The following PLN variants were observed in gnomAD, a reference collection of about 807,000 sequenced individuals.
PLN encodes phospholamban, also known as cardiac phospholamban.
PLN carries 1 observed loss-of-function variant against 3.9 expected under a neutral mutation model. The observed-to-expected ratio is 0.26, with a 90% confidence interval of 0.09 to 1.23. The LOEUF is 1.23. Among genes scored for constraint, PLN ranks in the 50% most tolerant of loss-of-function variants. The pLI, the probability that PLN is intolerant of heterozygous loss-of-function variation, is 0.48. For missense variants in PLN, 59 were observed against 62.7 expected, an observed-to-expected ratio of 0.94 and a Z score of 0.20; for synonymous variants, 21 against 20.5, an observed-to-expected ratio of 1.02 and a Z score of -0.07.
intron 1 of PLN, among the ~76,000 whole-genome samples, chr6:118,558,352 A>G (rs1778999192): frequency 6.6e-6 from 1 of 152,132 alleles, no homozygotes; most frequent in South Asian, 2.1e-4. Flanking sequence ...AAGTTTGGTG[A>G]TGTTTTTGTG....
At chr6:118,549,399 C>T (rs886412831) in intron 1 of PLN, among the ~76,000 whole-genome samples, 4 of 151,732 alleles carry the variant, frequency 2.6e-5, no homozygotes, top group African/African-American at 7.3e-5. Context: ...GTAAATGAAA[C>T]GTTTCCTCAT....
intron 1 of PLN, among the ~76,000 whole-genome samples, chr6:118,549,951 A>G (rs889876719): frequency 6.6e-6 from 1 of 151,916 alleles, no homozygotes; most frequent in East Asian, 1.9e-4. Context: ...TGGTAGTACC[A>G]TACATTGTGT....
In PLN at chr6:118,559,771, T is replaced by C. The variant is rs1191033316; in HGVS notation, c.*691T>C. Reference sequence around the variant, plus strand: ...ATTTTTTCAAAGAATCACAGAATTCTAGTACATGTAGGTAAATCATAAATC... The same window carrying C: ...ATTTTTTCAAAGAATCACAGAATTCCAGTACATGTAGGTAAATCATAAATC... On this transcript the variant is annotated 3_prime_UTR_variant, in exon 2 of 2. Transcript: ENST00000357525. 5.9e-6 allele frequency: 1 copy of C among 168,194 alleles called. No individual in the cohort carries two copies. The highest frequency in any genetic ancestry group is 1.5e-5 in the Non-Finnish European group (1 of 68,932). 10.4% of individuals were successfully genotyped at this position (168,194 alleles called of 1,614,324 possible). A position where few individuals can be genotyped will look rare whatever the true frequency, so the allele number is the denominator to read the frequency against.
At position 118,560,696 on chromosome 6, in the gene PLN, T is replaced by C. The variant is rs912882797; in HGVS notation, c.*1616T>C. The C allele has an allele frequency of 6.0e-6, 1 of 166,520 alleles. No individual in the cohort carries two copies. Among genetic ancestry groups the C allele is most frequent in the African/African-American group, 2.4e-5 (1 of 41,470 alleles). 10.3% of individuals were successfully genotyped at this position (166,520 alleles called of 1,614,324 possible). A position where few individuals can be genotyped will look rare whatever the true frequency, so the allele number is the denominator to read the frequency against. On this transcript the variant is annotated 3_prime_UTR_variant, in exon 2 of 2. Coordinates refer to ENST00000357525, the MANE Select transcript of PLN (RefSeq NM_002667.5). ...CTGAGCTAAATTATAGATCCAGCTA[T>C]GCTATTTATAATTATTTTCTTGATG...
intron 1 of PLN, among the ~76,000 whole-genome samples, chr6:118,553,891 T>G (rs930176969): frequency 6.6e-6 from 1 of 152,232 alleles, no homozygotes; most frequent in Non-Finnish European, 1.5e-5. Context: ...AAGCCTCATT[T>G]TTCTCACCTG....
chr6:118,548,868 T>C (rs1373461800), intron 1 of PLN, among the ~76,000 whole-genome samples: 1 of 152,042 alleles, frequency 6.6e-6, no homozygotes, highest in Non-Finnish European at 1.5e-5. Flanking sequence ...ATTATCAGCA[T>C]GCCTATTCCA....
chr6:118,550,010 GT>G (rs1778448405), intron 1 of PLN, among the ~76,000 whole-genome samples: 1 of 151,798 alleles, frequency 6.6e-6, no homozygotes, highest in Non-Finnish European at 1.5e-5. Context: ...TATTATCTTT[GT>G]TTATGAAGAC....
chr6:118,556,407 A>G (rs1778879339), intron 1 of PLN, among the ~76,000 whole-genome samples: 1 of 152,202 alleles, frequency 6.6e-6, no homozygotes, highest in African/African-American at 2.4e-5. Flanking sequence ...TCTCAAGCCA[A>G]AAATGCCCAG....
rs1189854291 is a variant in PLN, at chr6:118,549,680, T to A, written c.-98+1288T>A. On this transcript the variant is annotated intron_variant, in intron 1 of 1. Coordinates refer to ENST00000357525, the MANE Select transcript of PLN (RefSeq NM_002667.5). ...CTCATATTTTTCCTTTGATAGTACA[T>A]AAAAGTCATTCAGTGTAGGTGTCTT... is the stretch of plus-strand genomic sequence containing the variant. 2.0e-5 allele frequency among the ~76,000 whole-genome samples: 3 copies of A among 151,970 alleles called. No individual in the cohort carries two copies. In the South Asian group the frequency reaches 6.2e-4, roughly 32 times the overall value.
At chr6:118,558,679 A>AGT in intron 1 of PLN, 146 bp from the exon 2 acceptor site, 2 of 530,852 alleles carry the variant, frequency 3.8e-6, no homozygotes. Context: ...AGAGAGAGAG[A>AGT]GAGAGAGAGG....
At chr6:118,551,195 T>C (rs999133204) in intron 1 of PLN, among the ~76,000 whole-genome samples, 2 of 151,748 alleles carry the variant, frequency 1.3e-5, no homozygotes, top group Non-Finnish European at 3.0e-5. Context: ...TTACCCAGAG[T>C]AATTCTGAAG....
intron 1 of PLN, among the ~76,000 whole-genome samples, chr6:118,555,011 T>C (rs1224357715): frequency 6.6e-6 from 1 of 152,208 alleles, no homozygotes; most frequent in African/African-American, 2.4e-5. Flanking sequence ...AAAATAATTT[T>C]TAAAATTTCT....
At chr6:118,552,373 T>C (rs1778600202) in intron 1 of PLN, among the ~76,000 whole-genome samples, 1 of 152,010 alleles carries the variant, frequency 6.6e-6, no homozygotes, top group Admixed American at 6.6e-5. Context: ...ATATACAACA[T>C]CATTAAAGTA....
At chr6:118,553,431 A>T (rs1383031158) in intron 1 of PLN, among the ~76,000 whole-genome samples, 1 of 152,198 alleles carries the variant, frequency 6.6e-6, no homozygotes, top group Non-Finnish European at 1.5e-5. Flanking sequence ...AATTATCATC[A>T]TACAAATGTT....
chr6:118,554,243 C>T (rs1778717593), intron 1 of PLN, among the ~76,000 whole-genome samples: 1 of 152,096 alleles, frequency 6.6e-6, no homozygotes, highest in Non-Finnish European at 1.5e-5. Flanking sequence ...GCCACGATTG[C>T]ACAACTGCAC....
At chr6:118,551,623 G>A (rs935216522) in intron 1 of PLN, among the ~76,000 whole-genome samples, 21 of 152,006 alleles carry the variant, frequency 1.4e-4, no homozygotes, top group Admixed American at 1.2e-3. Context: ...TCTCTGTGCT[G>A]TTGTTTAATG....
At chr6:118,553,139 G>A (rs1336554937) in intron 1 of PLN, among the ~76,000 whole-genome samples, 1 of 148,968 alleles carries the variant, frequency 6.7e-6, no homozygotes, top group Non-Finnish European at 1.5e-5. Flanking sequence ...CAGATAACAT[G>A]AAAATAAAAC....
chr6:118,556,770 C>T (rs944132589), intron 1 of PLN, among the ~76,000 whole-genome samples: 3 of 151,952 alleles, frequency 2.0e-5, no homozygotes, highest in African/African-American at 7.3e-5. Context: ...TTTTTTTCTC[C>T]GTTTTTCATT....
chr6:118,560,585 T>G lies in PLN; in HGVS notation c.*1505T>G, dbSNP rs1779170190. 1 of 167,056 alleles carries G rather than the reference T, an allele frequency of 6.0e-6. No individual in the cohort carries two copies. The highest frequency in any genetic ancestry group is 1.5e-5 in the Non-Finnish European group (1 of 68,112). The allele number at this position is 167,056 out of a possible 1,614,324, so 10.3% of individuals were successfully genotyped here. A position where few individuals can be genotyped will look rare whatever the true frequency, so the allele number is the denominator to read the frequency against. ...GGACCCTTGCAATTCAAGCCCTTGT[T>G]GTTCAAGGGTCAACTGTAATAGGAT... On this transcript the variant is annotated 3_prime_UTR_variant, in exon 2 of 2. Transcript: ENST00000357525.
Sources: gnomAD v4.1 joint callset for allele counts (sites outside exome capture counted in the v4.1 genomes callset) on GRCh38, gnomAD v4.1.1 for gene constraint, MANE v1.5 for transcripts, NCBI Gene and HGNC (gene_info 2026-07-23, HGNC 2026-07-21) for gene names.